RABEPK: variants seen among roughly 807,000 people sequenced by gnomAD.
RABEPK encodes Rab9 effector protein with kelch motifs.
RABEPK carries 27 observed loss-of-function variants against 34.1 expected under a neutral mutation model. The observed-to-expected ratio is 0.79, with a 90% CI of 0.58 to 1.09. The LOEUF is 1.09. Among genes scored for constraint, RABEPK ranks in the 50% least tolerant of loss-of-function variants. The pLI is 0.00. For synonymous variants in RABEPK, 172 were observed against 169.2 expected (o/e 1.02, Z -0.13); for missense variants, 449 against 462.6 (o/e 0.97, Z 0.27).
At position 125,227,972 on chromosome 9, in the gene RABEPK, G is replaced by C. The variant is rs748300412; in HGVS notation, c.589G>C (p.Val197Leu). The part of the protein sequence containing the change: ...GNPPSPRHGH[V>L]MVAAGTKLFI... ...TCCTCCATCTCCCCGGCATGGTCAT[G>C]TGATGGTGGCAGCAGGGACAAAGCT... is the stretch of plus-strand genomic sequence containing the variant. Residue 197 changes from valine to leucine, a missense_variant, in exon 6 of 8, where the codon GTG becomes CTG. Physicochemically the swap from Val to Leu is conservative, Grantham distance 32 (BLOSUM62 1). Transcript: ENST00000373538. 1 of 1,609,564 alleles carries C rather than the reference G, an allele frequency of 6.2e-7. No individual in the cohort carries two copies. Among genetic ancestry groups the C allele is most frequent in the South Asian group, 1.1e-5 (1 of 90,354 alleles).
rs180677996 is a variant in RABEPK at position 125,204,353 on chromosome 9, G to A, written c.53+1287G>A. Among the ~76,000 whole-genome samples the A allele has an allele frequency of 1.2e-4, 19 of 152,186 alleles. No homozygotes were observed. In the East Asian group the frequency reaches 3.5e-3, roughly 28 times the overall value. Reference sequence around the variant, plus strand: ...TCCTAGCACTTTGGGAGGCTGAGGTGGGTGGATCACTTGAAGCCAGGAGTT... The same window carrying A: ...TCCTAGCACTTTGGGAGGCTGAGGTAGGTGGATCACTTGAAGCCAGGAGTT... On this transcript the variant is annotated intron_variant, in intron 2 of 7. Coordinates refer to ENST00000373538, the MANE Select transcript of RABEPK (RefSeq NM_005833.4).
chr9:125,232,969 G>A (rs1302131707), intron 7 of RABEPK, among the ~76,000 whole-genome samples: 2 of 151,704 alleles, frequency 1.3e-5, no homozygotes, highest in South Asian at 2.1e-4. Context: ...CCAGCTACTC[G>A]GGAGGCTGAG....
intron 3 of RABEPK, among the ~76,000 whole-genome samples, chr9:125,211,674 G>A (rs1447328481): frequency 2.0e-5 from 3 of 151,976 alleles, no homozygotes; most frequent in East Asian, 1.9e-4. Flanking sequence ...TCTACTCCCT[G>A]CACTAAAAAA....
chr9:125,223,477 A>T (rs1184801316), intron 5 of RABEPK, among the ~76,000 whole-genome samples: 1 of 152,110 alleles, frequency 6.6e-6, no homozygotes, highest in Non-Finnish European at 1.5e-5. Context: ...TAAATTTTTT[A>T]AAAAGTGTGT....
At chr9:125,202,216 G>GA (rs1225589348) in intron 1 of RABEPK, among the ~76,000 whole-genome samples, 9 of 147,786 alleles carry the variant, frequency 6.1e-5, no homozygotes, top group South Asian at 2.1e-4. Flanking sequence ...CTCCATCTCA[G>GA]AAAAAATAAA....
rs375862894 is a variant in RABEPK, at chr9:125,207,564, G to A, written c.54G>A (p.Trp18Ter). Residue 18 changes from tryptophan to a stop codon, truncating the protein, a stop_gained and splice_region_variant, in exon 3 of 8, where the codon TGG becomes TGA. Coordinates refer to ENST00000373538, the MANE Select transcript of RABEPK (RefSeq NM_005833.4). LOFTEE classifies it high-confidence loss of function. ...EPGDKPRKAT[W>*]YTLTVPGDSP... ...CCTGAATACATCCTTCCTTTGGCAG[G>A]TACACCTTGACTGTCCCTGGAGACA... The A allele has an allele frequency of 1.4e-5, 22 of 1,613,616 alleles. No individual in the cohort carries two copies. Among genetic ancestry groups the A allele is most frequent in the Non-Finnish European group, 1.9e-5 (22 of 1,179,652 alleles).
intron 5 of RABEPK, among the ~76,000 whole-genome samples, chr9:125,224,772 A>G (rs936478206): frequency 2.0e-5 from 3 of 152,028 alleles, no homozygotes; most frequent in Admixed American, 6.6e-5. Flanking sequence ...CTGTATCCTT[A>G]TTTTACAGCC....
intron 6 of RABEPK, among the ~76,000 whole-genome samples, chr9:125,230,778 G>A (rs965573826): frequency 4.6e-5 from 7 of 150,970 alleles, no homozygotes; most frequent in African/African-American, 9.7e-5. Flanking sequence ...CTTGTGATCC[G>A]CCCACCTCGG....
chr9:125,224,228 A>G (rs1831571921), intron 5 of RABEPK, among the ~76,000 whole-genome samples: 4 of 151,664 alleles, frequency 2.6e-5, no homozygotes, highest in Admixed American at 6.6e-5. Context: ...AAAAAAAACA[A>G]CAGAGTTTTT....
intron 5 of RABEPK, among the ~76,000 whole-genome samples, chr9:125,223,674 A>G (rs1418024041): frequency 6.7e-6 from 1 of 150,010 alleles, no homozygotes; most frequent in Admixed American, 6.7e-5. Context: ...GTAGTGAGCC[A>G]TAATTGCACC....
intron 3 of RABEPK, among the ~76,000 whole-genome samples, chr9:125,212,710 C>CAGTGGAGT: frequency 6.7e-6 from 1 of 149,728 alleles, no homozygotes; most frequent in Non-Finnish European, 1.5e-5. Context: ...AGTACAGTGG[C>CAGTGGAGT]ACAATCTTGG....
intron 6 of RABEPK, among the ~76,000 whole-genome samples, chr9:125,229,439 G>T (rs746658561): frequency 6.6e-6 from 1 of 151,926 alleles, no homozygotes; most frequent in Non-Finnish European, 1.5e-5. Flanking sequence ...TCAAAGAAAA[G>T]AAAAAAGAAA....
At chr9:125,202,088 C>A (rs1018323111) in intron 1 of RABEPK, among the ~76,000 whole-genome samples, 43 of 151,804 alleles carry the variant, frequency 2.8e-4, no homozygotes, top group African/African-American at 8.4e-4. Flanking sequence ...GTGGCACTTG[C>A]CTGTAGTCCC....
rs760472268 is a variant in RABEPK at position 125,207,633 on chromosome 9, A to C, written c.123A>C (p.Pro41=). ...GCCACAGCTGTTCATATTTACCCCC[A>C]GTTGGTAATGCCAAGAGAGGGAAGG... is the stretch of plus-strand genomic sequence containing the variant. ...RVGHSCSYLP[P]VGNAKRGKVF... Residue 41 remains proline, a synonymous_variant, in exon 3 of 8, where the codon CCA becomes CCC. Transcript: ENST00000373538. 2 of 1,614,110 alleles carry C rather than the reference A, an allele frequency of 1.2e-6. No individual in the cohort carries two copies. Among genetic ancestry groups the C allele is most frequent in the East Asian group, 2.2e-5 (1 of 44,876 alleles).
chr9:125,203,559 GCT>G (rs1830033910), intron 2 of RABEPK, among the ~76,000 whole-genome samples: 1 of 152,196 alleles, frequency 6.6e-6, no homozygotes, highest in South Asian at 2.1e-4. Context: ...AATGTGATCT[GCT>G]CTGAGTCAGG....
chr9:125,229,324 G>A (rs1006360263), intron 6 of RABEPK, among the ~76,000 whole-genome samples: 2 of 151,618 alleles, frequency 1.3e-5, no homozygotes, highest in Admixed American at 6.6e-5. Context: ...TCCTGGCTAC[G>A]TGGGAGGCTG....
chr9:125,211,926 G>A (rs1424393312), intron 3 of RABEPK, among the ~76,000 whole-genome samples: 4 of 151,810 alleles, frequency 2.6e-5, no homozygotes, highest in South Asian at 2.1e-4. Flanking sequence ...CCGAGATCGC[G>A]CCAGTGCGCT....
At chr9:125,210,362 C>CCACTG (rs1385924054) in intron 3 of RABEPK, among the ~76,000 whole-genome samples, 1 of 146,018 alleles carries the variant, frequency 6.8e-6, no homozygotes, top group Non-Finnish European at 1.5e-5. Flanking sequence ...GGAGATCGTG[C>CCACTG]CACTGCACTC....
chr9:125,220,523 A>G lies in RABEPK; in HGVS notation c.365-16A>G. ...CTACCTGGATATTTTAAGTGCCTGC[A>G]TTCTCTCTGGCCCAGAAACCAGGAC... On this transcript the variant is annotated splice_polypyrimidine_tract_variant and intron_variant, in intron 4 of 7. Coordinates refer to ENST00000373538, the MANE Select transcript of RABEPK (RefSeq NM_005833.4). 6.2e-7 allele frequency: 1 copy of G among 1,608,232 alleles called. No individual in the cohort carries two copies. The highest frequency in any genetic ancestry group is 8.5e-7 in the Non-Finnish European group (1 of 1,176,596).
Sources: gnomAD v4.1 joint callset for allele counts (sites outside exome capture counted in the v4.1 genomes callset) on GRCh38, gnomAD v4.1.1 for gene constraint, MANE v1.5 for transcripts, NCBI Gene and HGNC (gene_info 2026-07-23, HGNC 2026-07-21) for gene names.